The following SLC25A30 variants were observed in gnomAD, a reference collection of about 807,000 sequenced individuals.
The protein encoded by SLC25A30 is kidney mitochondrial carrier protein 1.
A neutral mutation model predicts 42.7 loss-of-function variants in SLC25A30; 29 were observed. That is an observed-to-expected ratio of 0.68 (90% confidence interval 0.51 to 0.93). The LOEUF is 0.93. Ranked by LOEUF, SLC25A30 falls within the 40% of genes least tolerant of loss-of-function variation. The probability of loss-of-function intolerance (pLI) is 0.00; values close to 1 mark genes in which losing one functional copy is unlikely to be tolerated. For missense variants in SLC25A30, 300 were observed against 359.7 expected, an observed-to-expected ratio of 0.83 and a Z score of 1.34; for synonymous variants, 124 against 131.0, an observed-to-expected ratio of 0.95 and a Z score of 0.37.
At chr13:45,429,600 A>G in the SLC25A30 span, among the ~76,000 whole-genome samples, 1 of 151,984 alleles carries the variant, frequency 6.6e-6, no homozygotes, top group African/African-American at 2.4e-5. Flanking sequence ...AGGCTGAGGC[A>G]GGAGGATTGC....
the SLC25A30 span, among the ~76,000 whole-genome samples, chr13:45,423,893 A>C: frequency 2.2e-5 from 2 of 92,800 alleles, no homozygotes; most frequent in African/African-American, 4.4e-5. Flanking sequence ...ATATATATAT[A>C]AATATATATA....
chr13:45,395,017 A>G lies in SLC25A30; in HGVS notation c.*957T>C, dbSNP rs1881206562. The G allele has an allele frequency of 2.0e-6, 2 of 985,322 alleles. No homozygotes were observed. Among genetic ancestry groups the G allele is most frequent in the Non-Finnish European group, 2.4e-6 (2 of 829,944 alleles). The allele number at this position is 985,322 out of a possible 1,614,324, so 61.0% of individuals were successfully genotyped here. On this transcript the variant is annotated 3_prime_UTR_variant, in exon 10 of 10. Transcript: ENST00000519676. ...TTAACAAAGGGCTTCATTCACAATTACCATGAGAAGCCCATGAGAACATGC... is the reference window on the plus strand; with the variant it reads ...TTAACAAAGGGCTTCATTCACAATTGCCATGAGAAGCCCATGAGAACATGC...
Position 45,395,774 on chromosome 13 carries a change from G to A in SLC25A30, c.*200C>T. 2 of 1,446,860 alleles carry A rather than the reference G, an allele frequency of 1.4e-6. No individual in the cohort carries two copies. The highest frequency in any genetic ancestry group is 5.0e-5 in the East Asian group (2 of 39,836). 89.6% of individuals were successfully genotyped at this position (1,446,860 alleles called of 1,614,324 possible). A position where few individuals can be genotyped will look rare whatever the true frequency, so the allele number is the denominator to read the frequency against. ...CAGTGGTAAAGACTAGTGTTTGGAT[G>A]TTAGTTTATGCCATTAAACGTTTGA... is the stretch of plus-strand genomic sequence containing the variant. On this transcript the variant is annotated 3_prime_UTR_variant, in exon 10 of 10. Transcript: ENST00000519676.
At position 45,395,770 on chromosome 13, in the gene SLC25A30, G is replaced by T; in HGVS notation, c.*204C>A. 1 of 1,443,894 alleles carries T rather than the reference G, an allele frequency of 6.9e-7. No individual in the cohort carries two copies. The highest frequency in any genetic ancestry group is 2.6e-5 in the Admixed American group (1 of 38,660). 89.4% of individuals were successfully genotyped at this position (1,443,894 alleles called of 1,614,324 possible). A position where few individuals can be genotyped will look rare whatever the true frequency, so the allele number is the denominator to read the frequency against. Reference sequence around the variant, plus strand: ...ACTTCAGTGGTAAAGACTAGTGTTTGGATGTTAGTTTATGCCATTAAACGT... The same window carrying T: ...ACTTCAGTGGTAAAGACTAGTGTTTTGATGTTAGTTTATGCCATTAAACGT... On this transcript the variant is annotated 3_prime_UTR_variant, in exon 10 of 10. Coordinates refer to ENST00000519676, the MANE Select transcript of SLC25A30 (RefSeq NM_001010875.4).
At chr13:45,423,845 T>A in the SLC25A30 span, among the ~76,000 whole-genome samples, 1 of 70,824 alleles carries the variant, frequency 1.4e-5, no homozygotes, top group African/African-American at 5.5e-5. Flanking sequence ...TATATAAATA[T>A]GTAAATATAT....
In SLC25A30 at chr13:45,401,082, C is replaced by T; in HGVS notation, c.614+1G>A. On this transcript the variant is annotated splice_donor_variant, in intron 7 of 9. Coordinates refer to ENST00000519676, the MANE Select transcript of SLC25A30 (RefSeq NM_001010875.4). LOFTEE classifies it high-confidence loss of function. The stretch of plus-strand genomic sequence containing the variant: ...TTTTTTAAAAAAAGCCATGAACATA[C>T]AGGAAGTGGGTATACACAGTGTCTC... The T allele has an allele frequency of 1.3e-6, 2 of 1,598,176 alleles. No homozygotes were observed.
At chr13:45,405,122 C>T (rs2137656406) in intron 4 of SLC25A30, among the ~76,000 whole-genome samples, 1 of 152,214 alleles carries the variant, frequency 6.6e-6, no homozygotes, top group Non-Finnish European at 1.5e-5. Context: ...TGGTGTTTCA[C>T]CATGTTGCCG....
At chr13:45,413,329 T>C (rs1448339739) in intron 1 of SLC25A30, among the ~76,000 whole-genome samples, 1 of 152,194 alleles carries the variant, frequency 6.6e-6, no homozygotes, top group Non-Finnish European at 1.5e-5. Flanking sequence ...TCATAACTCA[T>C]ATAATAGTTA....
At chr13:45,421,162 T>C (rs1883882779), upstream of SLC25A30, among the ~76,000 whole-genome samples, 1 of 152,058 alleles carries the variant, frequency 6.6e-6, no homozygotes, top group African/African-American at 2.4e-5. Flanking sequence ...GTGGATCACC[T>C]GAGGTCAGGA....
At chr13:45,402,518 C>G (rs1882094531) in intron 5 of SLC25A30, 148 bp from the exon 6 acceptor site, 1 of 684,314 alleles carries the variant, frequency 1.5e-6, no homozygotes, top group East Asian at 2.7e-5. Context: ...TGCTATGATG[C>G]TACCTTAAAA....
chr13:45,402,738 T>C lies in SLC25A30; in HGVS notation c.394-368A>G, dbSNP rs199737347. 1.0e-5 allele frequency: 10 copies of C among 980,068 alleles called. No individual in the cohort carries two copies. The East Asian group carries it at 6.8e-4, about 67-fold the overall frequency. 60.7% of individuals were successfully genotyped at this position (980,068 alleles called of 1,614,324 possible). A position where few individuals can be genotyped will look rare whatever the true frequency, so the allele number is the denominator to read the frequency against. ...GTTAATTTCAAAGGTTTAATCTAAT[T>C]AATGAGTTATCCAGTGTACCTGGCA... is the stretch of plus-strand genomic sequence containing the variant. On this transcript the variant is annotated intron_variant, in intron 5 of 9. Coordinates refer to ENST00000519676, the MANE Select transcript of SLC25A30 (RefSeq NM_001010875.4).
rs1881176789 is a variant in SLC25A30 at position 45,394,570 on chromosome 13, C to T, written c.*1404G>A. The T allele has an allele frequency of 1.0e-6, 1 of 985,094 alleles. No homozygotes were observed. Among genetic ancestry groups the T allele is most frequent in the Non-Finnish European group, 1.2e-6 (1 of 829,916 alleles). The allele number at this position is 985,094 out of a possible 1,614,324, so 61.0% of individuals were successfully genotyped here. A position where few individuals can be genotyped will look rare whatever the true frequency, so the allele number is the denominator to read the frequency against. The stretch of plus-strand genomic sequence containing the variant: ...TATGTTCCCTGTCCTGTGGCTGCCT[C>T]CCAGAAGTGGAAGTTCTTGGGGTTC... On this transcript the variant is annotated 3_prime_UTR_variant, in exon 10 of 10. Coordinates refer to ENST00000519676, the MANE Select transcript of SLC25A30 (RefSeq NM_001010875.4).
At position 45,411,345 on chromosome 13, in the gene SLC25A30, C is replaced by G. The variant is rs914759229; in HGVS notation, c.64+17G>C. 11 of 1,596,578 alleles carry G rather than the reference C, an allele frequency of 6.9e-6. No homozygotes were observed. Among genetic ancestry groups the G allele is most frequent in the Non-Finnish European group, 7.7e-6 (9 of 1,164,082 alleles). ...ACATACAGCAGGCTACGTGATCCACCACCCTCAGGTCCTTACCGCACTCAG... is the reference window on the plus strand; with the variant it reads ...ACATACAGCAGGCTACGTGATCCACGACCCTCAGGTCCTTACCGCACTCAG... On this transcript the variant is annotated intron_variant, in intron 2 of 9. Transcript: ENST00000519676.
upstream of SLC25A30, among the ~76,000 whole-genome samples, chr13:45,422,365 A>G (rs1273065786): frequency 6.6e-6 from 1 of 152,146 alleles, no homozygotes; most frequent in Non-Finnish European, 1.5e-5. Context: ...TGACTGAGAC[A>G]TCTGGTCACC....
intron 1 of SLC25A30, chr13:45,411,749 G>A: frequency 1.4e-5 from 5 of 354,074 alleles, no homozygotes; most frequent in South Asian, 1.3e-4. Flanking sequence ...ATGCGTGTAT[G>A]TATTCAGTGT....
At chr13:45,425,246 A>T in the SLC25A30 span, among the ~76,000 whole-genome samples, 4 of 105,858 alleles carry the variant, frequency 3.8e-5, no homozygotes, top group African/African-American at 1.6e-4. Flanking sequence ...ATACATATAT[A>T]AATATATATA....
At chr13:45,417,171 C>G (rs899313977) in intron 1 of SLC25A30, among the ~76,000 whole-genome samples, 1 of 152,116 alleles carries the variant, frequency 6.6e-6, no homozygotes, top group Non-Finnish European at 1.5e-5. Flanking sequence ...GTCACCACGC[C>G]CGGCTAATTT....
chr13:45,417,263 G>A (rs958129050), intron 1 of SLC25A30, among the ~76,000 whole-genome samples: 1 of 152,062 alleles, frequency 6.6e-6, no homozygotes, highest in African/African-American at 2.4e-5. Context: ...CGCCCGCCTC[G>A]GCCTCCCAAA....
chr13:45,409,134 T>A, intron 2 of SLC25A30, 60 bp from the exon 3 acceptor site: 1 of 1,306,894 alleles, frequency 7.7e-7, no homozygotes, highest in Non-Finnish European at 1.0e-6. Flanking sequence ...AAAGGATACG[T>A]AGTGATATAT....
Sources: allele counts gnomAD v4.1 joint callset (sites outside exome capture counted in the v4.1 genomes callset), GRCh38; gene constraint gnomAD v4.1.1; transcripts MANE v1.5; gene names NCBI Gene and HGNC (gene_info 2026-07-23, HGNC 2026-07-21).